The following ARHGEF12 variants were observed in gnomAD, a reference collection of about 807,000 sequenced individuals.
ARHGEF12 encodes the protein KMT2A/ARHGEF12 fusion protein.
Under a neutral mutation model 211.2 loss-of-function variants are expected in ARHGEF12, and 66 were observed. That is an observed-to-expected ratio of 0.31 (90% CI 0.26 to 0.38). The LOEUF (loss-of-function observed/expected upper bound fraction) is 0.38, where lower values mean the gene tolerates loss of function less well. Ranked by LOEUF, ARHGEF12 falls within the 10% of genes least tolerant of loss-of-function variation. ARHGEF12 has a pLI of 1.00. For synonymous variants in ARHGEF12, 592 were observed against 638.4 expected, an observed-to-expected ratio of 0.93 and a Z score of 1.09; for missense variants, 1,429 against 1,869.5, an observed-to-expected ratio of 0.76 and a Z score of 4.34.
intron 1 of ARHGEF12, among the ~76,000 whole-genome samples, chr11:120,355,599 T>C (rs1435332866): frequency 6.6e-6 from 1 of 152,122 alleles, no homozygotes; most frequent in African/African-American, 2.4e-5. Flanking sequence ...CCTAGTTACT[T>C]AGGAGGCTGA....
chr11:120,459,343 T>C (rs1591620153), intron 26 of ARHGEF12, 23 bp downstream of exon 26: 2 of 1,602,682 alleles, frequency 1.2e-6, no homozygotes, highest in East Asian at 2.3e-5. Context: ...AGCTCTGATC[T>C]TTGCCCCTAA....
In ARHGEF12 at chr11:120,451,742, T is replaced by C; in HGVS notation, c.2056+18T>C. The C allele has an allele frequency of 6.2e-7, 1 of 1,601,556 alleles. No individual in the cohort carries two copies. The highest frequency in any genetic ancestry group is 1.1e-5 in the South Asian group (1 of 89,984). On this transcript the variant is annotated intron_variant, in intron 22 of 40. Coordinates refer to ENST00000397843, the MANE Select transcript of ARHGEF12 (RefSeq NM_015313.3). ...TGATACAGGTGAGCTATTACTGTAG[T>C]TCAGCTTAACTAAGCATCAAGATTT...
intron 4 of ARHGEF12, chr11:120,411,233 A>G (rs1486958674): frequency 6.6e-6 from 1 of 152,190 alleles, no homozygotes; most frequent in Admixed American, 6.5e-5. Context: ...CTGAGTCCAC[A>G]AGTCCTCAAA....
At chr11:120,463,896 A>G (rs1946617140) in intron 27 of ARHGEF12, 1 of 152,244 alleles carries the variant, frequency 6.6e-6, no homozygotes, top group African/African-American at 2.4e-5. Flanking sequence ...ACCATAAAGC[A>G]ATTATCTACA....
Position 120,440,294 on chromosome 11 carries a change from C to T in ARHGEF12, c.1092+73C>T, listed in dbSNP as rs1020134759. 12 of 1,204,778 alleles carry T rather than the reference C, an allele frequency of 1.0e-5. 1 individual carries two copies. Among genetic ancestry groups the T allele is most frequent in the Admixed American group, 9.2e-5 (5 of 54,118 alleles). The allele number at this position is 1,204,778 out of a possible 1,614,324, so 74.6% of individuals were successfully genotyped here. ...ATCTGATTTGTTGCAAAAATGAGCA[C>T]GTTCTGGAGATTAAGATAACATTTG... On this transcript the variant is annotated intron_variant, in intron 13 of 40. Transcript: ENST00000397843.
chr11:120,349,948 AT>A (rs1334137369), intron 1 of ARHGEF12, among the ~76,000 whole-genome samples: 2 of 152,242 alleles, frequency 1.3e-5, no homozygotes, highest in Non-Finnish European at 2.9e-5. Flanking sequence ...TTTAAGAGTT[AT>A]TTCAATTCAG....
chr11:120,403,450 T>A (rs1458783338), intron 1 of ARHGEF12, among the ~76,000 whole-genome samples: 1 of 150,826 alleles, frequency 6.6e-6, no homozygotes, highest in African/African-American at 2.4e-5. Flanking sequence ...GAGGTTACAG[T>A]GAGCTGAGAT....
intron 1 of ARHGEF12, among the ~76,000 whole-genome samples, chr11:120,356,694 T>C (rs1000615320): frequency 5.9e-5 from 9 of 152,222 alleles, no homozygotes; most frequent in Non-Finnish European, 1.3e-4. Flanking sequence ...CCCAGTAGGC[T>C]TCCTGGATTA....
chr11:120,485,233 G>C lies in ARHGEF12; in HGVS notation c.*156G>C. On this transcript the variant is annotated 3_prime_UTR_variant, in exon 41 of 41. Coordinates refer to ENST00000397843, the MANE Select transcript of ARHGEF12 (RefSeq NM_015313.3). Reference sequence around the variant, plus strand: ...GTCAAGTCCCAAGGTGCCCAGAGTGGGACTAGTTCTTCACAGTGTGGCAGC... The same window carrying C: ...GTCAAGTCCCAAGGTGCCCAGAGTGCGACTAGTTCTTCACAGTGTGGCAGC... 1.3e-6 allele frequency: 1 copy of C among 799,004 alleles called. No individual in the cohort carries two copies. Among genetic ancestry groups the C allele is most frequent in the South Asian group, 1.7e-5 (1 of 58,654 alleles). 49.5% of individuals were successfully genotyped at this position (799,004 alleles called of 1,614,324 possible).
At chr11:120,454,854 A>G (rs966635365) in intron 22 of ARHGEF12, among the ~76,000 whole-genome samples, 1 of 152,172 alleles carries the variant, frequency 6.6e-6, no homozygotes, top group African/African-American at 2.4e-5. Context: ...GGAAGCCCCA[A>G]TGTCTTTTCT....
chr11:120,478,538 GCA>G (rs374956794), intron 37 of ARHGEF12, 149 bp downstream of exon 37: 44 of 731,952 alleles, frequency 6.0e-5, no homozygotes, highest in Admixed American at 1.0e-4. Flanking sequence ...CATGCCACAG[GCA>G]CACACACACA....
At chr11:120,375,024 C>G (rs1027493198) in intron 1 of ARHGEF12, among the ~76,000 whole-genome samples, 1 of 152,122 alleles carries the variant, frequency 6.6e-6, no homozygotes, top group African/African-American at 2.4e-5. Flanking sequence ...ACTTTAGTTT[C>G]TCAGTGAAAA....
chr11:120,348,477 A>G (rs1396478565), intron 1 of ARHGEF12, among the ~76,000 whole-genome samples: 1 of 152,196 alleles, frequency 6.6e-6, no homozygotes, highest in Non-Finnish European at 1.5e-5. Context: ...CAGGTGGAAA[A>G]TTCTACACGT....
intron 6 of ARHGEF12, among the ~76,000 whole-genome samples, chr11:120,422,414 C>T (rs1945219167): frequency 6.6e-6 from 1 of 152,154 alleles, no homozygotes; most frequent in African/African-American, 2.4e-5. Flanking sequence ...AGCACTTCAA[C>T]CTGGGCAATA....
intron 1 of ARHGEF12, among the ~76,000 whole-genome samples, chr11:120,367,089 T>A (rs1356835783): frequency 6.6e-6 from 1 of 152,102 alleles, no homozygotes; most frequent in Non-Finnish European, 1.5e-5. Context: ...GAAGCTTAGT[T>A]GCTGTCCAAC....
intron 1 of ARHGEF12, among the ~76,000 whole-genome samples, chr11:120,347,179 C>CTTTCTTTCTTT (rs1555090022): frequency 0.019 from 1,781 of 95,250 alleles, 44 homozygotes; most frequent in Non-Finnish European, 0.025. Context: ...TTCCTTCCTT[C>CTTTCTTTCTTT]CTTCCTTTCT....
chr11:120,483,493 G>A (rs763691838), intron 39 of ARHGEF12, among the ~76,000 whole-genome samples: 21 of 149,912 alleles, frequency 1.4e-4, no homozygotes, highest in East Asian at 3.9e-4. Flanking sequence ...GTGCAATCTC[G>A]GCTCACCGCA....
chr11:120,468,553 A>G (rs188493592), intron 29 of ARHGEF12, among the ~76,000 whole-genome samples: 272 of 152,312 alleles, frequency 1.8e-3, no homozygotes, highest in Middle Eastern at 6.8e-3. Context: ...GGTTCAAGCA[A>G]TTCCCCTGCC....
intron 1 of ARHGEF12, among the ~76,000 whole-genome samples, chr11:120,340,675 T>C (rs930154807): frequency 1.3e-5 from 2 of 152,140 alleles, no homozygotes; most frequent in African/African-American, 2.4e-5. Context: ...CTCGGCAAGG[T>C]GAAATTATTT....
Sources: gnomAD v4.1 joint callset for allele counts (sites outside exome capture counted in the v4.1 genomes callset) on GRCh38, gnomAD v4.1.1 for gene constraint, MANE v1.5 for transcripts, NCBI Gene and HGNC (gene_info 2026-07-23, HGNC 2026-07-21) for gene names.